CNOT8: variants seen among roughly 807,000 people sequenced by gnomAD.
CNOT8 encodes the protein CAF1-like protein.
CNOT8 carries 18 observed loss-of-function variants against 34.6 expected under a neutral mutation model. That is an observed-to-expected ratio of 0.52 (90% confidence interval 0.36 to 0.77). CNOT8 has a LOEUF of 0.77. CNOT8 is among the 30% of genes least tolerant of loss of function. The pLI, the probability that CNOT8 is intolerant of heterozygous loss-of-function variation, is 0.00. For synonymous variants in CNOT8, 101 were observed against 118.8 expected (o/e 0.85, Z 0.98); for missense variants, 189 against 347.9 (o/e 0.54, Z 3.63).
At chr5:154,869,616 GTT>G (rs199934193) in intron 3 of CNOT8, among the ~76,000 whole-genome samples, 1 of 121,668 alleles carries the variant, frequency 8.2e-6, no homozygotes, top group Non-Finnish European at 1.7e-5. Context: ...GCTAATTTTT[GTT>G]TTTTTGTGTT....
intron 6 of CNOT8, among the ~76,000 whole-genome samples, chr5:154,873,853 G>C (rs1582627879): frequency 6.6e-6 from 1 of 152,298 alleles, no homozygotes; most frequent in South Asian, 2.1e-4. Context: ...ATCTGTAGAT[G>C]ATTTTGGTTG....
intron 6 of CNOT8, among the ~76,000 whole-genome samples, chr5:154,873,912 A>G (rs1762707752): frequency 6.6e-6 from 1 of 152,154 alleles, no homozygotes; most frequent in African/African-American, 2.4e-5. Flanking sequence ...GGATGCTGCT[A>G]AACATCCTGT....
intron 6 of CNOT8, among the ~76,000 whole-genome samples, chr5:154,873,755 AAAC>A (rs1172378928): frequency 6.6e-6 from 1 of 152,210 alleles, no homozygotes; most frequent in African/African-American, 2.4e-5. Flanking sequence ...TCTTAATTAT[AAAC>A]AACTGTTACC....
chr5:154,870,143 A>C (rs1270127065), intron 3 of CNOT8, among the ~76,000 whole-genome samples: 6 of 152,136 alleles, frequency 3.9e-5, no homozygotes, highest in Non-Finnish European at 8.8e-5. Context: ...TCTTGGCCTC[A>C]AACAATCCTC....
In CNOT8 at chr5:154,876,579, A is replaced by AT. The variant is rs1300598339; in HGVS notation, c.*1143dup. 2.6e-5 allele frequency: 4 copies of AT among 152,638 alleles called. No individual in the cohort carries two copies. The highest frequency in any genetic ancestry group is 2.6e-4 in the Admixed American group (4 of 15,278). 9.5% of individuals were successfully genotyped at this position (152,638 alleles called of 1,614,324 possible). A position where few individuals can be genotyped will look rare whatever the true frequency, so the allele number is the denominator to read the frequency against. Reference sequence around the variant, plus strand: ...TTTTTGAATGACTACAGTATGGACAATTTCAAAAACCAAAACCCACTTTGG... The same window carrying AT: ...TTTTTGAATGACTACAGTATGGACAATTTTCAAAAACCAAAACCCACTTTGG... On this transcript the variant is annotated 3_prime_UTR_variant, in exon 7 of 7. Coordinates refer to ENST00000285896, the MANE Select transcript of CNOT8 (RefSeq NM_001301073.2).
At chr5:154,871,967 G>A in intron 5 of CNOT8, 93 bp downstream of exon 5, 1 of 1,056,596 alleles carries the variant, frequency 9.5e-7, no homozygotes, top group Non-Finnish European at 1.4e-6. Flanking sequence ...ATGCATTTTT[G>A]AGTACTAGAT....
chr5:154,858,882 TGAG>T (rs1244143435), intron 1 of CNOT8, 114 bp downstream of exon 1: 1 of 151,944 alleles, frequency 6.6e-6, no homozygotes, highest in African/African-American at 2.4e-5. Flanking sequence ...GCAGGGTGTG[TGAG>T]GAGGAGAGGA....
chr5:154,869,471 G>C (rs1157067864), intron 3 of CNOT8, among the ~76,000 whole-genome samples: 1 of 145,248 alleles, frequency 6.9e-6, no homozygotes, highest in Non-Finnish European at 1.5e-5. Flanking sequence ...TTGAGACAGA[G>C]TCTTGTTCTG....
Position 154,875,640 on chromosome 5 carries a change from G to A in CNOT8, c.*201G>A. ...GAAGAGAGGAGTTTGCTCTGAATTT[G>A]TAAATAAGTCTTCCCCATTCCTCAT... On this transcript the variant is annotated 3_prime_UTR_variant, in exon 7 of 7. Coordinates refer to ENST00000285896, the MANE Select transcript of CNOT8 (RefSeq NM_001301073.2). 2 of 567,234 alleles carry A rather than the reference G, an allele frequency of 3.5e-6. No individual in the cohort carries two copies. Among genetic ancestry groups the A allele is most frequent in the Non-Finnish European group, 3.0e-6 (1 of 337,246 alleles). 35.1% of individuals were successfully genotyped at this position (567,234 alleles called of 1,614,324 possible). A position where few individuals can be genotyped will look rare whatever the true frequency, so the allele number is the denominator to read the frequency against.
At chr5:154,866,982 ATGT>A (rs1171917620) in intron 3 of CNOT8, among the ~76,000 whole-genome samples, 3 of 151,878 alleles carry the variant, frequency 2.0e-5, no homozygotes, top group Non-Finnish European at 4.4e-5. Context: ...CAAAAAAAAA[ATGT>A]TTATTTAAGT....
At chr5:154,866,835 C>A (rs183267482) in intron 3 of CNOT8, among the ~76,000 whole-genome samples, 1 of 152,182 alleles carries the variant, frequency 6.6e-6, no homozygotes, top group Admixed American at 6.5e-5. Flanking sequence ...ATCACTTGAA[C>A]CTGTGAGGTG....
At chr5:154,873,216 T>C (rs1268008046) in intron 6 of CNOT8, among the ~76,000 whole-genome samples, 1 of 152,178 alleles carries the variant, frequency 6.6e-6, no homozygotes, top group African/African-American at 2.4e-5. Context: ...ACATAGACTG[T>C]TTTTTTAGCA....
In CNOT8 at chr5:154,876,281, T is replaced by A. The variant is rs1488427878; in HGVS notation, c.*842T>A. On this transcript the variant is annotated 3_prime_UTR_variant, in exon 7 of 7. Transcript: ENST00000285896. The stretch of plus-strand genomic sequence containing the variant: ...GATTTTTGGGTCATGTCTGTTGTAT[T>A]TTCAGTAATGTGATTTCAGATGGTC... 2.0e-5 allele frequency: 3 copies of A among 152,234 alleles called. No homozygotes were observed. Among genetic ancestry groups the A allele is most frequent in the African/African-American group, 7.2e-5 (3 of 41,456 alleles). The allele number at this position is 152,234 out of a possible 1,614,324, so 9.4% of individuals were successfully genotyped here. A position where few individuals can be genotyped will look rare whatever the true frequency, so the allele number is the denominator to read the frequency against.
intron 3 of CNOT8, among the ~76,000 whole-genome samples, chr5:154,869,032 C>A (rs1762196583): frequency 1.3e-5 from 2 of 152,178 alleles, no homozygotes; most frequent in African/African-American, 4.8e-5. Context: ...GTGTCTGAGT[C>A]TGAGGCAAGC....
At chr5:154,866,084 A>T (rs906063759) in intron 3 of CNOT8, among the ~76,000 whole-genome samples, 2 of 152,208 alleles carry the variant, frequency 1.3e-5, no homozygotes. Flanking sequence ...TGCTGATTGC[A>T]TAAAATGATG....
intron 1 of CNOT8, among the ~76,000 whole-genome samples, chr5:154,860,893 A>G (rs1003904154): frequency 6.6e-6 from 1 of 152,202 alleles, no homozygotes; most frequent in Non-Finnish European, 1.5e-5. Context: ...TTTAAATGGA[A>G]GTTAAAGGCG....
At chr5:154,869,035 A>T (rs976065300) in intron 3 of CNOT8, among the ~76,000 whole-genome samples, 1 of 152,112 alleles carries the variant, frequency 6.6e-6, no homozygotes, top group African/African-American at 2.4e-5. Context: ...TCTGAGTCTG[A>T]GGCAAGCAGC....
chr5:154,870,148 A>G (rs922965393), intron 3 of CNOT8, among the ~76,000 whole-genome samples: 3 of 151,918 alleles, frequency 2.0e-5, no homozygotes, highest in African/African-American at 7.3e-5. Context: ...GCCTCAAACA[A>G]TCCTCTCACC....
At chr5:154,875,196 C>A in intron 6 of CNOT8, 94 bp from the exon 7 acceptor site, 2 of 1,376,784 alleles carry the variant, frequency 1.5e-6, no homozygotes, top group Non-Finnish European at 2.0e-6. Context: ...GGATTCCAGA[C>A]GTGAGCCATT....
Sources: allele counts gnomAD v4.1 joint callset (sites outside exome capture counted in the v4.1 genomes callset), GRCh38; gene constraint gnomAD v4.1.1; transcripts MANE v1.5; gene names NCBI Gene and HGNC (gene_info 2026-07-23, HGNC 2026-07-21).